SUPT3H: variants seen among roughly 807,000 people sequenced by gnomAD.
The protein encoded by SUPT3H is transcription initiation protein SPT3 homolog.
A neutral mutation model predicts 44.3 loss-of-function variants in SUPT3H; 44 were observed. The ratio of observed to expected loss-of-function variants is 0.99; its 90% CI spans 0.78 to 1.28. The LOEUF (loss-of-function observed/expected upper bound fraction) is 1.28, where lower values mean the gene tolerates loss of function less well. Ranked by LOEUF, SUPT3H falls within the 50% of genes most tolerant of loss-of-function variation. The pLI is 0.00. For synonymous variants in SUPT3H, 124 were observed against 125.6 expected (o/e 0.99, Z 0.09); for missense variants, 380 against 387.1 (o/e 0.98, Z 0.15).
intron 2 of SUPT3H, among the ~76,000 whole-genome samples, chr6:45,158,112 T>C (rs1359308905): frequency 6.9e-6 from 1 of 145,958 alleles, no homozygotes; most frequent in Non-Finnish European, 1.5e-5. Context: ...ATATATTATA[T>C]AATTATTTTA....
chr6:44,901,547 T>C (rs1293599), intron 10 of SUPT3H, among the ~76,000 whole-genome samples: 7,120 of 151,600 alleles, frequency 0.047, 205 homozygotes, highest in South Asian at 0.13. Flanking sequence ...CTACGTCTGA[T>C]TGGTGTACCT....
chr6:45,130,712 C>CATT lies in SUPT3H; in HGVS notation c.102-24707_102-24706insAAT, dbSNP rs1358503809. Among the ~76,000 whole-genome samples, 440 of 88,548 alleles carry CATT rather than the reference C, an allele frequency of 5.0e-3. 36 individuals are homozygous for CATT. Among genetic ancestry groups the CATT allele is most frequent in the South Asian group, 0.018 (50 of 2,710 alleles). The allele number at this position is 88,548 out of a possible 152,430, so 58.1% of individuals were successfully genotyped here. On this transcript the variant is annotated intron_variant, in intron 2 of 10. Coordinates refer to ENST00000371459, the MANE Select transcript of SUPT3H (RefSeq NM_003599.4). ...AAAAAAAAAACAAAAAAAAAAACCA[C>CATT]TTTTTTTTTTTTTTTTTTTTTTCAG...
chr6:45,174,640 T>G (rs1811385237), intron 2 of SUPT3H, among the ~76,000 whole-genome samples: 1 of 152,020 alleles, frequency 6.6e-6, no homozygotes, highest in Non-Finnish European at 1.5e-5. Context: ...CAAAATACTC[T>G]AAAAGAGGAA....
chr6:44,825,215 T>C (rs567611276), downstream of SUPT3H, among the ~76,000 whole-genome samples: 18 of 152,360 alleles, frequency 1.2e-4, no homozygotes, highest in African/African-American at 4.3e-4. Flanking sequence ...ACATTTATCT[T>C]GAGGCTTAAG....
chr6:45,089,146 C>G (rs573901367), intron 3 of SUPT3H, among the ~76,000 whole-genome samples: 1 of 151,814 alleles, frequency 6.6e-6, no homozygotes, highest in Non-Finnish European at 1.5e-5. Context: ...CCAAGAGTAG[C>G]CTATAACATT....
At chr6:45,048,401 C>T (rs1789770282) in intron 3 of SUPT3H, among the ~76,000 whole-genome samples, 1 of 151,994 alleles carries the variant, frequency 6.6e-6, no homozygotes, top group Admixed American at 6.6e-5. Flanking sequence ...TTTCAGATCT[C>T]ACATTTAACT....
At position 44,950,788 on chromosome 6, in the gene SUPT3H, C is replaced by T. The variant is rs867534710; in HGVS notation, c.801+2522G>A. 2.0e-5 allele frequency among the ~76,000 whole-genome samples: 3 copies of T among 147,180 alleles called. 1 individual carries two copies. ...TTCTAATCCACTGTACATGGCACTA[C>T]CATTTGGATCTTTTTTTTTTTTTCC... On this transcript the variant is annotated intron_variant, in intron 9 of 10. Transcript: ENST00000371459.
chr6:45,248,486 C>A (rs1235831776), intron 2 of SUPT3H, among the ~76,000 whole-genome samples: 1 of 152,008 alleles, frequency 6.6e-6, no homozygotes, highest in Non-Finnish European at 1.5e-5. Flanking sequence ...AGCAAATAAG[C>A]CATCAACATC....
chr6:44,878,792 G>C (rs550202184), intron 10 of SUPT3H, among the ~76,000 whole-genome samples: 10 of 152,092 alleles, frequency 6.6e-5, no homozygotes, highest in African/African-American at 2.4e-4. Context: ...AAGCAGGGTG[G>C]GGCGTTCCCT....
chr6:44,864,881 A>C (rs1444763991), intron 10 of SUPT3H, among the ~76,000 whole-genome samples: 2 of 152,186 alleles, frequency 1.3e-5, no homozygotes, highest in Non-Finnish European at 2.9e-5. Context: ...TACTTATAAA[A>C]ATTTCTAAAG....
At chr6:44,862,631 T>C (rs1250267088) in intron 10 of SUPT3H, among the ~76,000 whole-genome samples, 2 of 149,546 alleles carry the variant, frequency 1.3e-5, no homozygotes, top group African/African-American at 4.9e-5. Context: ...CGAGCCAAGA[T>C]TGCGCCACTG....
chr6:45,345,741 T>G (rs575107360), intron 2 of SUPT3H, among the ~76,000 whole-genome samples: 1 of 152,216 alleles, frequency 6.6e-6, no homozygotes, highest in Non-Finnish European at 1.5e-5. Context: ...TTAATGAGTA[T>G]CAATGCACAC....
chr6:45,203,760 C>T (rs1762772131), intron 2 of SUPT3H, among the ~76,000 whole-genome samples: 1 of 152,154 alleles, frequency 6.6e-6, no homozygotes, highest in South Asian at 2.1e-4. Flanking sequence ...CTCAGTTTTT[C>T]ATACAACCTA....
At chr6:45,220,931 T>C (rs1363792419) in intron 2 of SUPT3H, among the ~76,000 whole-genome samples, 1 of 152,214 alleles carries the variant, frequency 6.6e-6, no homozygotes, top group Non-Finnish European at 1.5e-5. Flanking sequence ...CACGTATGTT[T>C]ACTGCAGCAC....
rs1251973361 is a variant in SUPT3H at position 45,174,553 on chromosome 6, T to C, written c.102-68547A>G. 2.6e-5 allele frequency among the ~76,000 whole-genome samples: 4 copies of C among 152,268 alleles called. No individual in the cohort carries two copies. The East Asian group carries it at 7.7e-4, about 29-fold the overall frequency. ...AGAGAAAAATTGGGCAACAGGAACA[T>C]CAACAGCCATAATGGTGCACAATGC... On this transcript the variant is annotated intron_variant, in intron 2 of 10. Coordinates refer to ENST00000371459, the MANE Select transcript of SUPT3H (RefSeq NM_003599.4).
At chr6:44,955,801 C>T (rs1420534500) in intron 7 of SUPT3H, among the ~76,000 whole-genome samples, 2 of 152,038 alleles carry the variant, frequency 1.3e-5, no homozygotes, top group African/African-American at 4.8e-5. Flanking sequence ...GTGATGGGTG[C>T]ACCAAAACCT....
chr6:45,221,984 G>A (rs1766139171), intron 2 of SUPT3H, among the ~76,000 whole-genome samples: 1 of 151,954 alleles, frequency 6.6e-6, no homozygotes, highest in African/African-American at 2.4e-5. Context: ...GCAAATAATG[G>A]CTCACAGATT....
At chr6:44,963,043 C>A (rs900490486) in intron 6 of SUPT3H, among the ~76,000 whole-genome samples, 1 of 151,284 alleles carries the variant, frequency 6.6e-6, no homozygotes, top group African/African-American at 2.4e-5. Flanking sequence ...TATATATACA[C>A]ATATAATGTA....
chr6:45,147,165 C>T (rs1015267904), intron 2 of SUPT3H, among the ~76,000 whole-genome samples: 4 of 152,030 alleles, frequency 2.6e-5, no homozygotes, highest in South Asian at 4.1e-4. Context: ...AGTAGGTGAG[C>T]GAGAAATCTA....
Sources: allele counts gnomAD v4.1 joint callset (sites outside exome capture counted in the v4.1 genomes callset), GRCh38; gene constraint gnomAD v4.1.1; transcripts MANE v1.5; gene names NCBI Gene and HGNC (gene_info 2026-07-23, HGNC 2026-07-21).